The following SH3GL2 variants were observed in gnomAD, a reference collection of about 807,000 sequenced individuals.
SH3GL2 encodes the protein endophilin-A1.
A neutral mutation model predicts 46.0 loss-of-function variants in SH3GL2; 24 were observed. The ratio of observed to expected loss-of-function variants is 0.52; its 90% confidence interval spans 0.38 to 0.73. The LOEUF (loss-of-function observed/expected upper bound fraction) is 0.73. SH3GL2 is among the 30% of genes least tolerant of loss of function. SH3GL2 has a pLI of 0.00. For synonymous variants in SH3GL2, 196 were observed against 147.1 expected (o/e 1.33, Z -2.40); for missense variants, 413 against 424.2 (o/e 0.97, Z 0.23).
chr9:17,612,184 C>A (rs894309338), intron 1 of SH3GL2, among the ~76,000 whole-genome samples: 1 of 152,062 alleles, frequency 6.6e-6, no homozygotes, highest in Admixed American at 6.6e-5. Flanking sequence ...TAGTTCTGTG[C>A]ACAGAAGGAA....
intron 3 of SH3GL2, among the ~76,000 whole-genome samples, chr9:17,771,094 G>A (rs928905918): frequency 6.6e-6 from 1 of 152,234 alleles, no homozygotes; most frequent in Non-Finnish European, 1.5e-5. Context: ...CAGTGTGGCT[G>A]TTCCCAGCCA....
chr9:17,725,498 C>A (rs1257858978), intron 1 of SH3GL2, among the ~76,000 whole-genome samples: 1 of 152,070 alleles, frequency 6.6e-6, no homozygotes, highest in Non-Finnish European at 1.5e-5. Context: ...CCTCTTTGTT[C>A]CCAATAAAGT....
intron 1 of SH3GL2, among the ~76,000 whole-genome samples, chr9:17,672,826 G>T (rs542768623): frequency 6.6e-6 from 1 of 152,070 alleles, no homozygotes; most frequent in Non-Finnish European, 1.5e-5. Flanking sequence ...TTTAACTCTT[G>T]TGCTTATATG....
chr9:17,598,061 C>G lies in SH3GL2; in HGVS notation c.45+18774C>G, dbSNP rs570721993. 7.2e-5 allele frequency among the ~76,000 whole-genome samples: 11 copies of G among 152,306 alleles called. 1 individual carries two copies. In the South Asian group the frequency reaches 2.3e-3, roughly 32 times the overall value. Reference sequence around the variant, plus strand: ...AATTTGTCACAGGTGCAGCAAAGAACAATGCTAGGGCACTCTCACGTGGAG... The same window carrying G: ...AATTTGTCACAGGTGCAGCAAAGAAGAATGCTAGGGCACTCTCACGTGGAG... On this transcript the variant is annotated intron_variant, in intron 1 of 8. Coordinates refer to ENST00000380607, the MANE Select transcript of SH3GL2 (RefSeq NM_003026.5).
chr9:17,697,251 T>C (rs1339652950), intron 1 of SH3GL2, among the ~76,000 whole-genome samples: 2 of 150,062 alleles, frequency 1.3e-5, no homozygotes, highest in African/African-American at 2.5e-5. Flanking sequence ...TAAGGCGGAG[T>C]CTCACTTTTT....
intron 2 of SH3GL2, among the ~76,000 whole-genome samples, chr9:17,755,318 G>A (rs950208228): frequency 5.9e-5 from 9 of 152,146 alleles, no homozygotes; most frequent in Admixed American, 4.6e-4. Context: ...AACCAACCTT[G>A]CATCCCAGGG....
At chr9:17,751,774 G>A (rs912970422) in intron 2 of SH3GL2, among the ~76,000 whole-genome samples, 1 of 152,118 alleles carries the variant, frequency 6.6e-6, no homozygotes, top group Admixed American at 6.5e-5. Context: ...TGAGCAACAC[G>A]TATCCCTGAG....
intron 1 of SH3GL2, among the ~76,000 whole-genome samples, chr9:17,596,784 G>GA (rs1818578819): frequency 2.0e-5 from 3 of 152,088 alleles, no homozygotes; most frequent in Admixed American, 2.0e-4. Flanking sequence ...CATAAAAATG[G>GA]AAAAAACACT....
rs78984331 is a variant in SH3GL2, at chr9:17,670,531, C to G, written c.46-76535C>G. On this transcript the variant is annotated intron_variant, in intron 1 of 8. Transcript: ENST00000380607. ...TCCTAATAGCTTTTCAAGTATTTTC[C>G]AAGTTTTTACACAAAACAGTTGTAT... Among the ~76,000 whole-genome samples the G allele has an allele frequency of 1.9e-4, 29 of 152,218 alleles. 1 individual carries two copies. In the East Asian group the frequency reaches 5.4e-3, roughly 28 times the overall value.
chr9:17,633,017 C>G (rs1819467077), intron 1 of SH3GL2, among the ~76,000 whole-genome samples: 5 of 152,190 alleles, frequency 3.3e-5, no homozygotes, highest in Admixed American at 3.3e-4. Context: ...AATGAACTAT[C>G]ACTTGGAGCC....
chr9:17,620,921 T>G (rs1819123685), intron 1 of SH3GL2, among the ~76,000 whole-genome samples: 1 of 152,168 alleles, frequency 6.6e-6, no homozygotes. Flanking sequence ...AGTCAGTAGC[T>G]TTGAAGCTCA....
chr9:17,607,049 G>C (rs1291428866), intron 1 of SH3GL2, among the ~76,000 whole-genome samples: 1 of 152,156 alleles, frequency 6.6e-6, no homozygotes, highest in African/African-American at 2.4e-5. Flanking sequence ...GAGGGAGTTT[G>C]TGTGTCTGGG....
intron 1 of SH3GL2, among the ~76,000 whole-genome samples, chr9:17,726,835 T>G (rs970200826): frequency 6.6e-6 from 1 of 152,100 alleles, no homozygotes; most frequent in Non-Finnish European, 1.5e-5. Flanking sequence ...AAACAGAAAT[T>G]TTGGTAAACT....
intron 1 of SH3GL2, among the ~76,000 whole-genome samples, chr9:17,714,290 G>C (rs7019508): frequency 0.11 from 16,495 of 151,534 alleles, 2,970 homozygotes; most frequent in African/African-American, 0.37. Context: ...ATATCGTTGG[G>C]TCTTCATCTT....
intron 1 of SH3GL2, among the ~76,000 whole-genome samples, chr9:17,667,371 C>G (rs575619844): frequency 1.3e-5 from 2 of 152,272 alleles, no homozygotes; most frequent in East Asian, 1.9e-4. Context: ...GGCACCCACT[C>G]TCCTCAACCC....
chr9:17,753,115 G>T (rs1280889289), intron 2 of SH3GL2, among the ~76,000 whole-genome samples: 2 of 152,150 alleles, frequency 1.3e-5, no homozygotes, highest in Admixed American at 6.5e-5. Flanking sequence ...TCACTGATGG[G>T]CATTTGGGTT....
intron 1 of SH3GL2, among the ~76,000 whole-genome samples, chr9:17,660,812 T>C (rs1264407186): frequency 1.3e-5 from 2 of 152,034 alleles, no homozygotes; most frequent in African/African-American, 4.8e-5. Flanking sequence ...ATCCTAAAAA[T>C]AAAATAATGA....
chr9:17,673,564 A>G (rs576184260), intron 1 of SH3GL2, among the ~76,000 whole-genome samples: 18 of 152,048 alleles, frequency 1.2e-4, no homozygotes, highest in African/African-American at 4.3e-4. Flanking sequence ...TCCCCTTTAA[A>G]CACTTGGATG....
rs1002186441 is a variant in SH3GL2 at position 17,579,292 on chromosome 9, G to A, written c.45+5G>A. 11 of 1,560,250 alleles carry A rather than the reference G, an allele frequency of 7.1e-6. No homozygotes were observed. Among genetic ancestry groups the A allele is most frequent in the Non-Finnish European group, 9.5e-6 (11 of 1,153,932 alleles). On this transcript the variant is annotated splice_donor_5th_base_variant and intron_variant, in intron 1 of 8. Transcript: ENST00000380607. ...CAGTTCCATAAAGCCACTCAGGTAA[G>A]GCGCGCGGCAGGTGCGTCCCGGGGC...
Sources: allele counts gnomAD v4.1 joint callset (sites outside exome capture counted in the v4.1 genomes callset), GRCh38; gene constraint gnomAD v4.1.1; transcripts MANE v1.5; gene names NCBI Gene and HGNC (gene_info 2026-07-23, HGNC 2026-07-21).